Variants in KLHL14 observed in about 807,000 individuals in gnomAD.
The protein encoded by KLHL14 is kelch like family member 14, also known as kelch-like protein 14.
A neutral mutation model predicts 64.3 loss-of-function variants in KLHL14; 22 were observed. The observed-to-expected ratio is 0.34, with a 90% CI of 0.24 to 0.49. The LOEUF is 0.49. Among genes scored for constraint, KLHL14 ranks in the 20% least tolerant of loss-of-function variants. The pLI is 0.99. For synonymous variants in KLHL14, 322 were observed against 333.4 expected (o/e 0.97, Z 0.37); for missense variants, 661 against 789.0 (o/e 0.84, Z 1.94).
intron 3 of KLHL14, among the ~76,000 whole-genome samples, chr18:32,708,128 A>G (rs983884088): frequency 7.2e-5 from 11 of 152,158 alleles, no homozygotes; most frequent in Non-Finnish European, 1.6e-4. Flanking sequence ...CATTCAATAA[A>G]CTGATTATGG....
intron 2 of KLHL14, among the ~76,000 whole-genome samples, chr18:32,765,241 A>C (rs996008840): frequency 6.6e-6 from 1 of 152,212 alleles, no homozygotes; most frequent in Non-Finnish European, 1.5e-5. Flanking sequence ...ATAAGGTAAC[A>C]CATTTTTTAC....
intron 3 of KLHL14, among the ~76,000 whole-genome samples, chr18:32,702,017 A>G (rs765939111): frequency 4.6e-5 from 7 of 152,192 alleles, no homozygotes; most frequent in Non-Finnish European, 1.0e-4. Flanking sequence ...ATCTTCATTT[A>G]TTTGTGCTAC....
chr18:32,760,632 C>T (rs371030661), intron 2 of KLHL14, among the ~76,000 whole-genome samples: 68 of 152,238 alleles, frequency 4.5e-4, no homozygotes, highest in African/African-American at 1.5e-3. Flanking sequence ...TCAGAGTCCC[C>T]GCGCAGGTGC....
At chr18:32,734,079 G>A in intron 3 of KLHL14, 2 of 686,460 alleles carry the variant, frequency 2.9e-6, no homozygotes, top group South Asian at 3.1e-5. Context: ...TGGAGGAGAG[G>A]TGAGAGCGCT....
intron 3 of KLHL14, chr18:32,737,360 A>G (rs919647387): frequency 9.2e-5 from 14 of 152,172 alleles, no homozygotes; most frequent in Admixed American, 3.3e-4. Context: ...GGGAACAGAA[A>G]TGAACTGAAA....
chr18:32,772,297 A>AC (rs1315657306), intron 1 of KLHL14: 1 of 341,876 alleles, frequency 2.9e-6, no homozygotes, highest in Non-Finnish European at 6.2e-6. Context: ...GGTGGACCCT[A>AC]CCCTCCCTCG....
At chr18:32,675,463 A>T (rs1231749221) in intron 8 of KLHL14, among the ~76,000 whole-genome samples, 1 of 152,240 alleles carries the variant, frequency 6.6e-6, no homozygotes, top group African/African-American at 2.4e-5. Flanking sequence ...TAAGACAATT[A>T]TATTTCAGAT....
intron 3 of KLHL14, among the ~76,000 whole-genome samples, chr18:32,699,627 A>G (rs1184637028): frequency 6.6e-6 from 1 of 152,116 alleles, no homozygotes; most frequent in Admixed American, 6.6e-5. Context: ...ATTTCACTCT[A>G]CTGATTTTCA....
At position 32,683,104 on chromosome 18, in the gene KLHL14, G is replaced by T. The variant is rs1470653051; in HGVS notation, c.1239-2505C>A. The stretch of plus-strand genomic sequence containing the variant: ...CTCCCTTTGGTGAACTCATTTTCTT[G>T]TCTAAAATTCAGTTTTTTTTCACTT... On this transcript the variant is annotated intron_variant, in intron 5 of 8. Transcript: ENST00000359358. This position sits in a 1 kb window ranked among gnomAD's most constrained non-coding sequence, Gnocchi z 4.2. Among the ~76,000 whole-genome samples, 4 of 152,068 alleles carry T rather than the reference G, an allele frequency of 2.6e-5. No individual in the cohort carries two copies. The highest frequency in any genetic ancestry group is 2.0e-4 in the Admixed American group (3 of 15,274).
chr18:32,685,289 A>C (rs1408227042), intron 5 of KLHL14, among the ~76,000 whole-genome samples: 1 of 152,092 alleles, frequency 6.6e-6, no homozygotes, highest in African/African-American at 2.4e-5. Flanking sequence ...AAAAATTACT[A>C]ATTAGGTTTT....
chr18:32,693,788 G>A (rs2049923711), intron 4 of KLHL14, among the ~76,000 whole-genome samples: 1 of 152,124 alleles, frequency 6.6e-6, no homozygotes. Flanking sequence ...CTGGGAAAGA[G>A]AAAATCAGTG....
At chr18:32,715,644 G>T (rs2050041782) in intron 3 of KLHL14, among the ~76,000 whole-genome samples, 2 of 152,024 alleles carry the variant, frequency 1.3e-5, no homozygotes, top group African/African-American at 4.8e-5. Flanking sequence ...TTACCTTAAA[G>T]TGCCCTCTCA....
intron 3 of KLHL14, among the ~76,000 whole-genome samples, chr18:32,707,641 C>T (rs190166202): frequency 6.6e-4 from 100 of 152,286 alleles, no homozygotes; most frequent in African/African-American, 2.3e-3. Context: ...CAATAAAACC[C>T]CTGGGCTGGA....
intron 2 of KLHL14, among the ~76,000 whole-genome samples, chr18:32,753,545 A>C (rs2050267359): frequency 6.6e-6 from 1 of 152,230 alleles, no homozygotes; most frequent in East Asian, 1.9e-4. Flanking sequence ...CCAAACTTGC[A>C]GACTGGCTGG....
At chr18:32,719,695 C>T (rs138543742) in intron 3 of KLHL14, among the ~76,000 whole-genome samples, 133 of 152,280 alleles carry the variant, frequency 8.7e-4, no homozygotes, top group Non-Finnish European at 1.7e-3. Context: ...CCAAAAGGCA[C>T]GATATCCTTG....
At chr18:32,701,758 C>T (rs919232072) in intron 3 of KLHL14, among the ~76,000 whole-genome samples, 1 of 152,068 alleles carries the variant, frequency 6.6e-6, no homozygotes, top group African/African-American at 2.4e-5. Flanking sequence ...AGCAGCTTGG[C>T]TAGGAGGGGA....
chr18:32,766,252 T>C (rs1229072262), intron 2 of KLHL14, among the ~76,000 whole-genome samples: 3 of 152,202 alleles, frequency 2.0e-5, no homozygotes, highest in Admixed American at 6.5e-5. Flanking sequence ...TTTGGGATAA[T>C]TGCTAAATTA....
chr18:32,705,973 C>G (rs2049988086), intron 3 of KLHL14, among the ~76,000 whole-genome samples: 1 of 152,220 alleles, frequency 6.6e-6, no homozygotes, highest in Admixed American at 6.5e-5. Flanking sequence ...CCTAATCATT[C>G]TGGAAGCAAT....
intron 3 of KLHL14, among the ~76,000 whole-genome samples, chr18:32,725,870 AC>A (rs1479785873): frequency 6.6e-6 from 1 of 152,220 alleles, no homozygotes; most frequent in Non-Finnish European, 1.5e-5. Context: ...ATGGTGTCAT[AC>A]AACTTGTTTT....
Sources: gnomAD v4.1 joint callset for allele counts (sites outside exome capture counted in the v4.1 genomes callset) on GRCh38, gnomAD v4.1.1 for gene constraint, Gnocchi (gnomAD v3.1) non-coding constraint, MANE v1.5 for transcripts, NCBI Gene and HGNC (gene_info 2026-07-23, HGNC 2026-07-21) for gene names.